RORA: variants seen among roughly 807,000 people sequenced by gnomAD.
The protein encoded by RORA is RAR related orphan receptor A.
In RORA, 7 loss-of-function variants were observed where a neutral mutation model predicts 69.5. The ratio of observed to expected loss-of-function variants is 0.10; its 90% CI spans 0.06 to 0.19. The LOEUF is 0.19. RORA is among the 10% of genes least tolerant of loss of function. The pLI is 1.00. For synonymous variants in RORA, 261 were observed against 240.8 expected, an observed-to-expected ratio of 1.08 and a Z score of -0.78; for missense variants, 457 against 663.0, an observed-to-expected ratio of 0.69 and a Z score of 3.41.
intron 2 of RORA, among the ~76,000 whole-genome samples, chr15:60,650,191 T>C (rs1475664791): frequency 6.6e-6 from 1 of 151,308 alleles, no homozygotes; most frequent in Non-Finnish European, 1.5e-5. Flanking sequence ...CCAACAGCCA[T>C]GCATTAAAAG....
At chr15:60,554,341 T>C (rs963437970) in intron 2 of RORA, among the ~76,000 whole-genome samples, 1 of 152,200 alleles carries the variant, frequency 6.6e-6, no homozygotes, top group African/African-American at 2.4e-5. Flanking sequence ...TTCAAAAAGA[T>C]TGACTCTTCC....
intron 1 of RORA, among the ~76,000 whole-genome samples, chr15:61,013,475 T>C (rs181652883): frequency 1.4e-3 from 215 of 152,326 alleles, no homozygotes; most frequent in Non-Finnish European, 2.7e-3. Flanking sequence ...TACCTGCAAA[T>C]ACTGATGTAA....
intron 1 of RORA, among the ~76,000 whole-genome samples, chr15:60,835,010 A>T (rs2073097942): frequency 6.6e-6 from 1 of 152,146 alleles, no homozygotes; most frequent in Non-Finnish European, 1.5e-5. Context: ...AGATATATTT[A>T]GAGCTTTAAA....
At chr15:60,718,594 T>C (rs1270402428) in intron 1 of RORA, among the ~76,000 whole-genome samples, 1 of 152,214 alleles carries the variant, frequency 6.6e-6, no homozygotes, top group Non-Finnish European at 1.5e-5. Context: ...GTCAAAATTG[T>C]CACCATGTTG....
At chr15:61,198,834 A>C (rs1467728080) in intron 1 of RORA, among the ~76,000 whole-genome samples, 1 of 152,028 alleles carries the variant, frequency 6.6e-6, no homozygotes, top group Non-Finnish European at 1.5e-5. Flanking sequence ...CAAGAGGCTT[A>C]CTCTCCATAC....
chr15:60,739,461 C>T (rs926721419), intron 1 of RORA, among the ~76,000 whole-genome samples: 1 of 152,030 alleles, frequency 6.6e-6, no homozygotes, highest in Non-Finnish European at 1.5e-5. Flanking sequence ...GGTCCTGCTA[C>T]TCGAGGGGCT....
intron 1 of RORA, among the ~76,000 whole-genome samples, chr15:60,932,021 A>T (rs11637209): frequency 0.25 from 36,955 of 148,470 alleles, 5,049 homozygotes; most frequent in East Asian, 0.55. Flanking sequence ...CTAGAAAAAT[A>T]TTGAATCAAG....
intron 1 of RORA, among the ~76,000 whole-genome samples, chr15:61,160,323 G>A (rs750890224): frequency 2.0e-5 from 3 of 152,102 alleles, no homozygotes; most frequent in Admixed American, 6.5e-5. Context: ...AGTAGTATAC[G>A]TAAAGTAACT....
chr15:61,156,939 C>T (rs1339745417), intron 1 of RORA, among the ~76,000 whole-genome samples: 1 of 152,130 alleles, frequency 6.6e-6, no homozygotes, highest in Non-Finnish European at 1.5e-5. Context: ...TCTTGAAGAA[C>T]CTGGGTACTG....
intron 1 of RORA, among the ~76,000 whole-genome samples, chr15:61,012,930 G>A (rs1378032492): frequency 1.3e-5 from 2 of 152,216 alleles, no homozygotes; most frequent in East Asian, 3.8e-4. Flanking sequence ...GATTATAGGT[G>A]TGAGCCACCG....
chr15:60,599,676 A>G (rs2068772044), intron 2 of RORA, among the ~76,000 whole-genome samples: 1 of 152,242 alleles, frequency 6.6e-6, no homozygotes, highest in African/African-American at 2.4e-5. Flanking sequence ...GAAGGGGAGA[A>G]AGCCCAGAAT....
chr15:61,177,244 CA>C (rs2079637506), intron 1 of RORA, among the ~76,000 whole-genome samples: 1 of 152,154 alleles, frequency 6.6e-6, no homozygotes, highest in Non-Finnish European at 1.5e-5. Flanking sequence ...CAAGTGAGCA[CA>C]AAGGCACTTC....
In RORA at chr15:61,061,396, A is replaced by ATACATACATACATAC. The variant is rs1555406931; in HGVS notation, c.166+167656_166+167657insGTATGTATGTATGTA. On this transcript the variant is annotated intron_variant, in intron 1 of 10. Coordinates refer to ENST00000335670, the MANE Select transcript of RORA (RefSeq NM_134261.3). The surrounding 1 kb of genome is among the most constrained non-coding windows in gnomAD (Gnocchi z 4.4). ...AAATAAATAAATAAATAAATAAATA[A>ATACATACATACATAC]ATACAAGGGCATCGCAGGAAGTCCT... Among the ~76,000 whole-genome samples, 1 of 149,948 alleles carries ATACATACATACATAC rather than the reference A, an allele frequency of 6.7e-6. No homozygotes were observed. The highest frequency in any genetic ancestry group is 1.5e-5 in the Non-Finnish European group (1 of 67,722).
intron 2 of RORA, among the ~76,000 whole-genome samples, chr15:60,638,272 G>A (rs1329418597): frequency 6.6e-6 from 1 of 152,098 alleles, no homozygotes; most frequent in Non-Finnish European, 1.5e-5. Flanking sequence ...GGTTCTACAA[G>A]GTGTGTGCCA....
chr15:60,798,081 T>G (rs544581597), intron 1 of RORA, among the ~76,000 whole-genome samples: 1 of 152,148 alleles, frequency 6.6e-6, no homozygotes, highest in South Asian at 2.1e-4. Context: ...GAGACACATA[T>G]TTCAAAAGTT....
At chr15:60,859,247 A>T (rs1244053447) in intron 1 of RORA, among the ~76,000 whole-genome samples, 4 of 151,916 alleles carry the variant, frequency 2.6e-5, no homozygotes, top group Non-Finnish European at 4.4e-5. Flanking sequence ...CCACCAAGAG[A>T]TGATCCCCTA....
intron 1 of RORA, among the ~76,000 whole-genome samples, chr15:60,992,344 T>G (rs1420051667): frequency 6.6e-6 from 1 of 152,214 alleles, no homozygotes; most frequent in African/African-American, 2.4e-5. Context: ...TAAGAAACAC[T>G]GGCACTTACG....
chr15:60,881,786 G>T (rs2073683306), intron 1 of RORA, among the ~76,000 whole-genome samples: 1 of 152,174 alleles, frequency 6.6e-6, no homozygotes, highest in Admixed American at 6.5e-5. Flanking sequence ...CACCAAAAAA[G>T]AGTTCACATT....
intron 2 of RORA, among the ~76,000 whole-genome samples, chr15:60,599,550 TAAA>T (rs1366465986): frequency 6.8e-6 from 1 of 147,170 alleles, no homozygotes; most frequent in Non-Finnish European, 1.5e-5. Flanking sequence ...GACTCTGTCT[TAAA>T]AAAGTAAAGA....
Sources: gnomAD v4.1 joint callset for allele counts (sites outside exome capture counted in the v4.1 genomes callset) on GRCh38, gnomAD v4.1.1 for gene constraint, Gnocchi (gnomAD v3.1) non-coding constraint, MANE v1.5 for transcripts, NCBI Gene and HGNC (gene_info 2026-07-23, HGNC 2026-07-21) for gene names.